The following SPTBN5 variants were observed in gnomAD, a reference collection of about 807,000 sequenced individuals.
The protein encoded by SPTBN5 is spectrin beta chain, non-erythrocytic 5.
A neutral mutation model predicts 477.6 loss-of-function variants in SPTBN5; 513 were observed. The ratio of observed to expected loss-of-function variants is 1.07; its 90% CI spans 1.00 to 1.16. SPTBN5 has a LOEUF of 1.16. Among genes scored for constraint, SPTBN5 ranks in the 50% most tolerant of loss-of-function variants. SPTBN5 has a pLI of 0.00. For missense variants in SPTBN5, 5,062 were observed against 4,731.8 expected, an observed-to-expected ratio of 1.07 and a Z score of -2.05; for synonymous variants, 2,169 against 2,011.7, an observed-to-expected ratio of 1.08 and a Z score of -2.09.
intron 63 of SPTBN5, 51 bp from the exon 64 acceptor site, chr15:41,851,420 G>A: frequency 3.7e-6 from 5 of 1,355,628 alleles, no homozygotes; most frequent in Non-Finnish European, 5.1e-6. Flanking sequence ...GGAAGCCAGA[G>A]CTAGGGCCTG....
Position 41,879,858 on chromosome 15 carries a change from G to A in SPTBN5, c.2818C>T (p.Leu940Phe), listed in dbSNP as rs749782993. The A allele has an allele frequency of 6.2e-7, 1 of 1,613,906 alleles. No individual in the cohort carries two copies. The highest frequency in any genetic ancestry group is 2.2e-5 in the East Asian group (1 of 44,888). ...EVMQLKYENF[L>F]TALAVGKGLW... is the part of the protein sequence containing the mutation. The stretch of plus-strand genomic sequence containing the variant: ...CCCTTTCCCACAGCCAGGGCAGTGA[G>A]GAAGTTCTAGGGAAAAGGAGGACCC... The change falls in exon 15 of 68, where the codon CTC becomes TTC. Residue 940 changes from leucine (L) to phenylalanine (F), a missense_variant. Coordinates refer to ENST00000320955, the MANE Select transcript of SPTBN5 (RefSeq NM_016642.4).
intron 41 of SPTBN5, 140 bp from the exon 42 acceptor site, chr15:41,863,043 T>C: frequency 5.4e-6 from 4 of 745,756 alleles, no homozygotes; most frequent in Non-Finnish European, 8.9e-6. Context: ...GGGCCAGAGA[T>C]CTCTTCCTTA....
Position 41,856,403 on chromosome 15 carries a change from G to A in SPTBN5, c.9004C>T (p.Gln3002Ter), listed in dbSNP as rs2065930508. The change falls in exon 53 of 68, where the codon CAG becomes TAG. Residue 3002 changes from glutamine (Q) to a stop codon, truncating the protein, a stop_gained. Transcript: ENST00000320955. LOFTEE classifies it high-confidence loss of function. Reference protein sequence around the residue: ...RLLLQQAQEAQQFLTELLEAG... With the variant: ...RLLLQQAQEA ...CCCCTCACCTCAGTCAGAAACTGCT[G>A]GGCCTCCTGAGCCTGCTGCAGCAGA... 1.3e-6 allele frequency: 2 copies of A among 1,581,612 alleles called. No homozygotes were observed. Among genetic ancestry groups the A allele is most frequent in the South Asian group, 2.3e-5 (2 of 87,420 alleles).
intron 27 of SPTBN5, 110 bp from the exon 28 acceptor site, chr15:41,872,027 T>C (rs2066559197): frequency 7.3e-7 from 1 of 1,361,886 alleles, no homozygotes; most frequent in Admixed American, 2.8e-5. Flanking sequence ...ATGGTCTCTG[T>C]CCAAGCCTGC....
At chr15:41,863,213 G>A (rs143554812) in intron 41 of SPTBN5, among the ~76,000 whole-genome samples, 196 of 152,352 alleles carry the variant, frequency 1.3e-3, no homozygotes, top group African/African-American at 4.6e-3. Flanking sequence ...GGCCTGTGCC[G>A]TCATTTGAGG....
rs1350870651 is a variant in SPTBN5 at position 41,870,087 on chromosome 15, C to T, written c.5674-67G>A. The T allele has an allele frequency of 2.8e-6, 4 of 1,453,348 alleles. No individual in the cohort carries two copies. In the African/African-American group the frequency reaches 5.7e-5, roughly 21 times the overall value. 90.0% of individuals were successfully genotyped at this position (1,453,348 alleles called of 1,614,324 possible). A position where few individuals can be genotyped will look rare whatever the true frequency, so the allele number is the denominator to read the frequency against. On this transcript the variant is annotated intron_variant, in intron 31 of 67. Coordinates refer to ENST00000320955, the MANE Select transcript of SPTBN5 (RefSeq NM_016642.4). ...TCCTGATTATCCCACAGATGTATCC[C>T]TTGCCTGGGAACTCTGGCCCCCTTG...
chr15:41,862,105 A>G, intron 44 of SPTBN5, 25 bp downstream of exon 44: 2 of 1,528,504 alleles, frequency 1.3e-6, no homozygotes, highest in Non-Finnish European at 1.8e-6. Flanking sequence ...AGCCTGGGAA[A>G]GGCTTGGGCC....
chr15:41,857,809 C>T, intron 49 of SPTBN5, 99 bp from the exon 50 acceptor site: 1 of 1,410,818 alleles, frequency 7.1e-7, no homozygotes, highest in Non-Finnish European at 9.5e-7. Flanking sequence ...TGCAGAGTCC[C>T]TGCGGTCCAG....
Position 41,870,364 on chromosome 15 carries a change from G to T in SPTBN5, c.5563-11C>A. On this transcript the variant is annotated splice_polypyrimidine_tract_variant and intron_variant, in intron 30 of 67. Coordinates refer to ENST00000320955, the MANE Select transcript of SPTBN5 (RefSeq NM_016642.4). The stretch of plus-strand genomic sequence containing the variant: ...GCTCGTGGCTTTCTCCTGAGGAAGG[G>T]AGAATGCCGAGGAGATGAGGGATGG... The T allele has an allele frequency of 6.3e-7, 1 of 1,586,048 alleles. No homozygotes were observed.
Position 41,884,018 on chromosome 15 carries a change from C to T in SPTBN5, c.1521-532G>A, listed in dbSNP as rs372681291. Among the ~76,000 whole-genome samples the T allele has an allele frequency of 1.9e-4, 29 of 152,150 alleles. No homozygotes were observed. The East Asian group carries it at 4.8e-3, about 25-fold the overall frequency. ...TATTTATTTTTGAGACAGAGTCTCA[C>T]TCCTTCGCCCAGGCCGGACTGCGGT... On this transcript the variant is annotated intron_variant, in intron 7 of 67. Coordinates refer to ENST00000320955, the MANE Select transcript of SPTBN5 (RefSeq NM_016642.4).
intron 11 of SPTBN5, 32 bp downstream of exon 11, chr15:41,882,237 G>GGCCCCCC: frequency 8.4e-6 from 3 of 357,960 alleles, no homozygotes; most frequent in Non-Finnish European, 1.1e-5. Flanking sequence ...GCCGGGCCCC[G>GGCCCCCC]CCCCCACCCC....
chr15:41,876,375 C>T, intron 20 of SPTBN5, 91 bp from the exon 21 acceptor site: 1 of 1,448,302 alleles, frequency 6.9e-7, no homozygotes, highest in Non-Finnish European at 9.2e-7. Flanking sequence ...GGCCACAGCC[C>T]CTGTTTTCCT....
At chr15:41,867,213 G>A (rs1035030003) in intron 35 of SPTBN5, 87 bp from the exon 36 acceptor site, 2 of 1,396,086 alleles carry the variant, frequency 1.4e-6, no homozygotes, top group East Asian at 2.5e-5. Flanking sequence ...TTCTTTGAGG[G>A]CCCCGGAGCC....
chr15:41,873,726 C>A, intron 25 of SPTBN5, 118 bp from the exon 26 acceptor site: 1 of 1,471,138 alleles, frequency 6.8e-7, no homozygotes. Context: ...TAGGGGCACC[C>A]ATCAGCTCCC....
intron 56 of SPTBN5, 46 bp from the exon 57 acceptor site, chr15:41,854,251 G>A (rs2065866386): frequency 6.4e-7 from 1 of 1,554,084 alleles, no homozygotes. Context: ...TCTGCTCCCA[G>A]GATTCCTTTC....
At chr15:41,886,963 A>G (rs2067173070) in intron 6 of SPTBN5, among the ~76,000 whole-genome samples, 1 of 152,244 alleles carries the variant, frequency 6.6e-6, no homozygotes. Context: ...GAGGCCCAGG[A>G]AGGGCCATTC....
rs2066992769 is a variant in SPTBN5 at position 41,882,351 on chromosome 15, G to A, written c.2165C>T (p.Ala722Val). The A allele has an allele frequency of 1.3e-6, 2 of 1,535,316 alleles. No homozygotes were observed. The highest frequency in any genetic ancestry group is 1.4e-5 in the African/African-American group (1 of 72,998). ...TQPDPGERAE[A>V]VQGGWQLLQT... is the part of the protein sequence containing the mutation. Reference sequence around the variant, plus strand: ...GAGCAGCTGCCACCCTCCCTGAACGGCCTCTGCCCGTTCCCCGGGATCCGG... The same window carrying A: ...GAGCAGCTGCCACCCTCCCTGAACGACCTCTGCCCGTTCCCCGGGATCCGG... The change falls in exon 11 of 68, where the codon GCC becomes GTC. Residue 722 changes from alanine to valine, a missense_variant. Transcript: ENST00000320955.
Position 41,856,565 on chromosome 15 carries a change from G to T in SPTBN5, c.8842C>A (p.Leu2948Met), listed in dbSNP as rs768801832. 1.1e-5 allele frequency: 17 copies of T among 1,597,380 alleles called. No individual in the cohort carries two copies. Among genetic ancestry groups the T allele is most frequent in the South Asian group, 1.1e-5 (1 of 89,040 alleles). ...LESEMSSHEA[L>M]TRVVLGTGYK... ...CCAGTGCCCAGCACCACCCGGGTCA[G>T]AGCCTCGTGGCTGCTCATCTCACTC... The change falls in exon 53 of 68, where the codon CTG becomes ATG. Residue 2948 changes from leucine to methionine, a missense_variant. Physicochemically the swap from Leu to Met is conservative, Grantham distance 15 (BLOSUM62 2). Transcript: ENST00000320955.
At chr15:41,884,055 G>A (rs985396722) in intron 7 of SPTBN5, among the ~76,000 whole-genome samples, 6 of 152,156 alleles carry the variant, frequency 3.9e-5, no homozygotes, top group South Asian at 2.1e-4. Flanking sequence ...GCACGATCTC[G>A]GCTCACTGCC....
Sources: gnomAD v4.1 joint callset for allele counts (sites outside exome capture counted in the v4.1 genomes callset) on GRCh38, gnomAD v4.1.1 for gene constraint, MANE v1.5 for transcripts, NCBI Gene and HGNC (gene_info 2026-07-23, HGNC 2026-07-21) for gene names.